The following TDRD1 variants were observed in gnomAD, a reference collection of about 807,000 sequenced individuals.
TDRD1 encodes tudor domain-containing protein 1.
A neutral mutation model predicts 140.6 loss-of-function variants in TDRD1; 37 were observed. That is an observed-to-expected ratio of 0.26 (90% CI 0.20 to 0.35). The LOEUF (loss-of-function observed/expected upper bound fraction) is 0.35, where lower values mean the gene tolerates loss of function less well. TDRD1 is among the 10% of genes least tolerant of loss of function. TDRD1 has a pLI of 1.00. For missense variants in TDRD1, 1,243 were observed against 1,393.0 expected (o/e 0.89, Z 1.71); for synonymous variants, 506 against 475.7 (o/e 1.06, Z -0.83).
chr10:114,213,407 A>G (rs113178581), exon 15 of TDRD1: 1 of 1,613,872 alleles, frequency 6.2e-7, no homozygotes, highest in African/African-American at 1.3e-5. Flanking sequence ...AAAAACTTGT[A>G]CAGAACAAAA....
At chr10:114,186,420 C>T (rs1247332587) in intron 1 of TDRD1, among the ~76,000 whole-genome samples, 6 of 152,098 alleles carry the variant, frequency 3.9e-5, no homozygotes, top group African/African-American at 1.4e-4. Flanking sequence ...CCCGCCACCA[C>T]GCCTGGCTAA....
intron 16 of TDRD1, among the ~76,000 whole-genome samples, chr10:114,215,098 C>A (rs1187022253): frequency 6.6e-6 from 1 of 152,112 alleles, no homozygotes; most frequent in African/African-American, 2.4e-5. Flanking sequence ...TAGATAAGTT[C>A]TTCCTGGTTT....
intron 3 of TDRD1, among the ~76,000 whole-genome samples, chr10:114,195,838 T>C (rs1439807805): frequency 6.6e-6 from 1 of 152,214 alleles, no homozygotes; most frequent in African/African-American, 2.4e-5. Context: ...CCTGCCTTCT[T>C]GTGGGTTACT....
rs1199228229 is a variant in TDRD1 at position 114,191,104 on chromosome 10, G to A, written c.384+85G>A. 5.8e-6 allele frequency: 8 copies of A among 1,383,162 alleles called. No individual in the cohort carries two copies. In the African/African-American group the frequency reaches 8.8e-5, roughly 15 times the overall value. The allele number at this position is 1,383,162 out of a possible 1,614,324, so 85.7% of individuals were successfully genotyped here. ...TATTTAATAAAGAAGTGTTCAATTT[G>A]TAGGTATCATTCAAGATCAAATGTT... On this transcript the variant is annotated intron_variant, in intron 3 of 25. Transcript: ENST00000251864.
chr10:114,199,287 T>G, exon 4 of TDRD1: 1 of 1,612,662 alleles, frequency 6.2e-7, no homozygotes, highest in Non-Finnish European at 8.5e-7. Context: ...TCCTCTTCGG[T>G]CCACAACTTG....
chr10:114,204,377 A>G (rs1393341032), intron 9 of TDRD1, among the ~76,000 whole-genome samples, 161 bp downstream of exon 9: 4 of 152,210 alleles, frequency 2.6e-5, no homozygotes, highest in Non-Finnish European at 5.9e-5. Context: ...TTAGTTAACT[A>G]CTGCCCAGGG....
intron 1 of TDRD1, among the ~76,000 whole-genome samples, chr10:114,185,276 G>A (rs1446941794): frequency 2.0e-5 from 3 of 152,168 alleles, no homozygotes; most frequent in African/African-American, 7.2e-5. Context: ...TGCGACCTCT[G>A]ACTCCTGGGT....
upstream of TDRD1, among the ~76,000 whole-genome samples, chr10:114,178,971 G>A (rs1054533358): frequency 2.0e-5 from 3 of 152,210 alleles, no homozygotes; most frequent in South Asian, 6.2e-4. Context: ...GTATGAGCAC[G>A]TGTGTGTTTA....
chr10:114,222,745 G>T, intron 21 of TDRD1, 42 bp downstream of exon 21: 1 of 1,157,952 alleles, frequency 8.6e-7, no homozygotes, highest in Non-Finnish European at 1.3e-6. Flanking sequence ...AAGGTATTTA[G>T]TCTGTTTTGT....
chr10:114,211,594 T>G (rs2035488314), intron 13 of TDRD1, among the ~76,000 whole-genome samples: 1 of 152,256 alleles, frequency 6.6e-6, no homozygotes, highest in Non-Finnish European at 1.5e-5. Flanking sequence ...GATCAGGATA[T>G]GTTCTCTGTA....
At chr10:114,199,783 C>G (rs1364605749) in intron 4 of TDRD1, among the ~76,000 whole-genome samples, 1 of 152,224 alleles carries the variant, frequency 6.6e-6, no homozygotes, top group African/African-American at 2.4e-5. Flanking sequence ...CATGCCGTTG[C>G]ACGTACAATT....
chr10:114,198,633 G>C (rs1016049335), intron 3 of TDRD1, among the ~76,000 whole-genome samples: 3 of 149,064 alleles, frequency 2.0e-5, no homozygotes, highest in African/African-American at 7.4e-5. Context: ...TTGGCTAGCA[G>C]AGCAGGTTTT....
At chr10:114,211,420 C>T (rs1026292621) in intron 13 of TDRD1, among the ~76,000 whole-genome samples, 1 of 152,210 alleles carries the variant, frequency 6.6e-6, no homozygotes, top group African/African-American at 2.4e-5. Flanking sequence ...TTACTCTCTG[C>T]CGAAGAGAGG....
chr10:114,195,234 T>C (rs1030803383), intron 3 of TDRD1, among the ~76,000 whole-genome samples: 8 of 152,182 alleles, frequency 5.3e-5, no homozygotes, highest in Non-Finnish European at 7.3e-5. Flanking sequence ...TTCTTTTAAG[T>C]TTGTTGAGGT....
intron 1 of TDRD1, among the ~76,000 whole-genome samples, chr10:114,184,897 G>A (rs887455758): frequency 2.6e-5 from 4 of 152,106 alleles, no homozygotes; most frequent in Admixed American, 2.6e-4. Context: ...ATGAGTGAAT[G>A]TAGCATGTAT....
chr10:114,204,299 G>A (rs1284135119), intron 9 of TDRD1, 83 bp downstream of exon 9: 1 of 1,406,338 alleles, frequency 7.1e-7, no homozygotes, highest in South Asian at 1.5e-5. Flanking sequence ...GTGTTTGCTT[G>A]TTCTATTCTG....
At chr10:114,225,558 T>TAAAA (rs71303583) in intron 21 of TDRD1, among the ~76,000 whole-genome samples, 10 of 146,954 alleles carry the variant, frequency 6.8e-5, no homozygotes, top group Non-Finnish European at 1.2e-4. Flanking sequence ...TCTACGCATT[T>TAAAA]AAAAAAAAAA....
chr10:114,212,514 A>G (rs2035552232), intron 14 of TDRD1, among the ~76,000 whole-genome samples: 1 of 152,210 alleles, frequency 6.6e-6, no homozygotes, highest in Admixed American at 6.5e-5. Context: ...GGTTGCTTCT[A>G]TATTATTTCA....
chr10:114,185,406 T>A (rs1024698962), intron 1 of TDRD1, among the ~76,000 whole-genome samples: 1 of 152,106 alleles, frequency 6.6e-6, no homozygotes, highest in Non-Finnish European at 1.5e-5. Flanking sequence ...GTCAGGCTGG[T>A]CTCGAACTCC....
Sources: gnomAD v4.1 joint callset for allele counts (sites outside exome capture counted in the v4.1 genomes callset) on GRCh38, gnomAD v4.1.1 for gene constraint, MANE v1.5 for transcripts, NCBI Gene and HGNC (gene_info 2026-07-23, HGNC 2026-07-21) for gene names.